The following PPFIA2 variants were observed in gnomAD, a reference collection of about 807,000 sequenced individuals.
PPFIA2 encodes the protein liprin-alpha-2.
PPFIA2 carries 46 observed loss-of-function variants against 175.5 expected under a neutral mutation model. That is an observed-to-expected ratio of 0.26 (90% CI 0.21 to 0.34). PPFIA2 has a LOEUF of 0.34. Among genes scored for constraint, PPFIA2 ranks in the 10% least tolerant of loss-of-function variants. PPFIA2 has a pLI of 1.00. For missense variants in PPFIA2, 1,179 were observed against 1,506.1 expected, an observed-to-expected ratio of 0.78 and a Z score of 3.60; for synonymous variants, 568 against 511.4, an observed-to-expected ratio of 1.11 and a Z score of -1.49.
intron 4 of PPFIA2, chr12:81,465,300 G>A (rs2055405119): frequency 6.6e-6 from 1 of 152,078 alleles, no homozygotes; most frequent in Admixed American, 6.6e-5. Context: ...TGAGAGAGAA[G>A]AGGAAAAATA....
chr12:81,705,456 C>CAAAAAAAAAAAAAAA, intron 3 of PPFIA2, among the ~76,000 whole-genome samples: 1 of 55,716 alleles, frequency 1.8e-5, no homozygotes. Context: ...GACTAGGTCT[C>CAAAAAAAAAAAAAAA]AAAAAAAAAA....
chr12:81,458,601 T>C (rs573760575), intron 4 of PPFIA2, among the ~76,000 whole-genome samples: 5 of 152,196 alleles, frequency 3.3e-5, no homozygotes, highest in Non-Finnish European at 5.9e-5. Flanking sequence ...TCTGTCTTCA[T>C]GTGGTTAATG....
chr12:81,477,984 G>A (rs939286868), intron 4 of PPFIA2, among the ~76,000 whole-genome samples: 9 of 152,038 alleles, frequency 5.9e-5, no homozygotes, highest in African/African-American at 2.2e-4. Flanking sequence ...AGAAGGGATG[G>A]TACCAGCTCC....
intron 8 of PPFIA2, among the ~76,000 whole-genome samples, chr12:81,403,227 C>A (rs1302374765): frequency 6.6e-6 from 1 of 152,142 alleles, no homozygotes; most frequent in Non-Finnish European, 1.5e-5. Context: ...GCTGAAATGC[C>A]TTCACTAAGA....
At chr12:81,598,639 CT>C (rs376627014) in intron 4 of PPFIA2, among the ~76,000 whole-genome samples, 18,128 of 145,282 alleles carry the variant, frequency 0.12, 1,124 homozygotes, top group South Asian at 0.17. Context: ...TTTACAAAGC[CT>C]TTTTTTTTTT....
chr12:81,673,439 C>A (rs1023162399), intron 4 of PPFIA2, among the ~76,000 whole-genome samples: 1 of 152,022 alleles, frequency 6.6e-6, no homozygotes, highest in African/African-American at 2.4e-5. Context: ...TAATATTGCT[C>A]ATATTTAAAA....
chr12:81,550,655 T>G (rs1321867461), intron 4 of PPFIA2, among the ~76,000 whole-genome samples: 1 of 151,984 alleles, frequency 6.6e-6, no homozygotes, highest in African/African-American at 2.4e-5. Context: ...TGACATTTGA[T>G]TTATGCTGAT....
chr12:81,355,179 A>C lies in PPFIA2; in HGVS notation c.1774-1840T>G, dbSNP rs117881912. 8.9e-3 allele frequency among the ~76,000 whole-genome samples: 1,349 copies of C among 152,316 alleles called. 11 individuals carry two copies. The highest frequency in any genetic ancestry group is 0.014 in the Non-Finnish European group (961 of 68,026). ...ATGTTGTGTTAGCAGGCACGAAAAA[A>C]ACAATCTCTTTGAGCATCTCTGTCA... On this transcript the variant is annotated intron_variant, in intron 16 of 32. Transcript: ENST00000549396.
intron 3 of PPFIA2, among the ~76,000 whole-genome samples, chr12:81,703,989 T>C (rs927295717): frequency 2.6e-5 from 4 of 152,300 alleles, no homozygotes; most frequent in African/African-American, 9.6e-5. Context: ...TGAATTAAGA[T>C]AAAATTATTT....
intron 8 of PPFIA2, among the ~76,000 whole-genome samples, chr12:81,386,316 T>C (rs1339709031): frequency 7.4e-6 from 1 of 135,828 alleles, no homozygotes; most frequent in Non-Finnish European, 1.5e-5. Flanking sequence ...AATAAATAAA[T>C]AAATAAGAAA....
rs142975292 is a variant in PPFIA2, at chr12:81,517,497, T to C, written c.304-59631A>G. On this transcript the variant is annotated intron_variant, in intron 4 of 32. Transcript: ENST00000549396. ...GCTGACGAGGTGCCGAGACCTCGGC[T>C]AATGCTGCCAAGAAACACTCCACAT... 3.0e-4 allele frequency among the ~76,000 whole-genome samples: 45 copies of C among 152,302 alleles called. 1 individual carries two copies. Among genetic ancestry groups the C allele is most frequent in the African/African-American group, 1.1e-3 (45 of 41,574 alleles).
At chr12:81,267,818 A>C in intron 29 of PPFIA2, 94 bp downstream of exon 29, 12 of 1,101,394 alleles carry the variant, frequency 1.1e-5, no homozygotes, top group Non-Finnish European at 1.3e-5. Flanking sequence ...ACTTTCATTA[A>C]CAATCATGAA....
At position 81,405,832 on chromosome 12, in the gene PPFIA2, T is replaced by A; in HGVS notation, c.717A>T (p.Ser239=). 3.2e-6 allele frequency: 5 copies of A among 1,582,904 alleles called. No homozygotes were observed. Among genetic ancestry groups the A allele is most frequent in the Non-Finnish European group, 4.3e-6 (5 of 1,162,558 alleles). The change falls in exon 8 of 33, where the codon TCA becomes TCT. Residue 239 remains serine (S), a synonymous_variant. Coordinates refer to ENST00000549396, the MANE Select transcript of PPFIA2 (RefSeq NM_003625.5). The part of the protein sequence containing the change: ...KMASSEGSTE[S]EHLEGMEPGQ... ...CAGGTTCCATCCCTTCAAGATGTTC[T>A]GACTCTGTGGATCCCTCGCTTGATG...
chr12:81,660,618 ACT>A (rs1349006109), intron 4 of PPFIA2, among the ~76,000 whole-genome samples: 19 of 152,198 alleles, frequency 1.2e-4, no homozygotes, highest in Non-Finnish European at 1.8e-4. Flanking sequence ...GTTGGAAAAC[ACT>A]CTGCAGGATA....
At chr12:81,451,354 C>T (rs763668753) in intron 5 of PPFIA2, among the ~76,000 whole-genome samples, 1 of 152,054 alleles carries the variant, frequency 6.6e-6, no homozygotes, top group Non-Finnish European at 1.5e-5. Context: ...AGGTGGCAGA[C>T]CTGTGACTTA....
In PPFIA2 at chr12:81,381,252, T is replaced by C. The variant is rs1349801596; in HGVS notation, c.984+2771A>G. Among the ~76,000 whole-genome samples the C allele has an allele frequency of 2.6e-5, 4 of 152,278 alleles. No homozygotes were observed. The East Asian group carries it at 7.7e-4, about 29-fold the overall frequency. On this transcript the variant is annotated intron_variant, in intron 9 of 32. Transcript: ENST00000549396. ...ACGATGGGGCTGATAAGAGTAGTTG[T>C]ATTTTAAAATAATTCCACATGAAAG... is the stretch of plus-strand genomic sequence containing the variant.
intron 4 of PPFIA2, among the ~76,000 whole-genome samples, chr12:81,521,896 G>A (rs1372293002): frequency 6.6e-6 from 1 of 151,628 alleles, no homozygotes; most frequent in Non-Finnish European, 1.5e-5. Context: ...ATTGCATCCA[G>A]GACTGCTCAA....
At chr12:81,633,198 C>T (rs2153502036) in intron 4 of PPFIA2, among the ~76,000 whole-genome samples, 1 of 152,084 alleles carries the variant, frequency 6.6e-6, no homozygotes, top group African/African-American at 2.4e-5. Context: ...CTTAATGGAG[C>T]TATAGGAAAA....
At chr12:81,694,425 C>T (rs1028460300) in intron 3 of PPFIA2, among the ~76,000 whole-genome samples, 1 of 152,140 alleles carries the variant, frequency 6.6e-6, no homozygotes, top group Admixed American at 6.6e-5. Flanking sequence ...CCAGATACTG[C>T]TAGTGCTGCC....
Sources: gnomAD v4.1 joint callset for allele counts (sites outside exome capture counted in the v4.1 genomes callset) on GRCh38, gnomAD v4.1.1 for gene constraint, MANE v1.5 for transcripts, NCBI Gene and HGNC (gene_info 2026-07-23, HGNC 2026-07-21) for gene names.